AHSG: variants seen among roughly 807,000 people sequenced by gnomAD.
AHSG encodes the protein alpha-2-HS-glycoprotein.
AHSG carries 23 observed loss-of-function variants against 30.1 expected under a neutral mutation model. That is an observed-to-expected ratio of 0.76 (90% CI 0.55 to 1.08). The LOEUF (loss-of-function observed/expected upper bound fraction) is 1.08, where lower values mean the gene tolerates loss of function less well. Among genes scored for constraint, AHSG ranks in the 50% least tolerant of loss-of-function variants. The pLI, the probability that AHSG is intolerant of heterozygous loss-of-function variation, is 0.00. For synonymous variants in AHSG, 164 were observed against 186.3 expected (o/e 0.88, Z 0.98); for missense variants, 469 against 459.5 (o/e 1.02, Z -0.19).
intron 6 of AHSG, among the ~76,000 whole-genome samples, chr3:186,620,281 A>G (rs1716440060): frequency 6.6e-6 from 1 of 152,128 alleles, no homozygotes; most frequent in African/African-American, 2.4e-5. Flanking sequence ...TCAGATGACA[A>G]AGAGGGTGGC....
At chr3:186,616,606 T>C in intron 3 of AHSG, 79 bp downstream of exon 3, 3 of 1,216,268 alleles carry the variant, frequency 2.5e-6, no homozygotes, top group Middle Eastern at 1.9e-4. Context: ...TCAACTTAAG[T>C]AGTTCTAGCA....
chr3:186,618,039 A>T (rs1243706074), intron 4 of AHSG: 1 of 158,290 alleles, frequency 6.3e-6, no homozygotes, highest in Non-Finnish European at 1.4e-5. Context: ...CAACTACTTT[A>T]AAAAAGAAAA....
Position 186,613,206 on chromosome 3 carries a change from G to T in AHSG, c.65G>T (p.Gly22Val), listed in dbSNP as rs559373183. The change falls in exon 1 of 7, where the codon GGC (glycine) becomes GTC (valine). Residue 22 changes from glycine (G) to valine (V), a missense_variant. Coordinates refer to ENST00000411641, the MANE Select transcript of AHSG (RefSeq NM_001622.4). ...TGGGGCTGCCACTCAGCCCCACATG[G>T]CCCAGGGCTGATTTATAGACAACCG... ...QLWGCHSAPHGPGLIYRQPNC... is the reference protein window; with the variant it reads ...QLWGCHSAPHVPGLIYRQPNC... The T allele has an allele frequency of 3.7e-6, 6 of 1,614,030 alleles. No homozygotes were observed. In the Admixed American group the frequency reaches 6.7e-5, roughly 18 times the overall value.
Position 186,620,694 on chromosome 3 carries a change from C to T in AHSG, c.868C>T (p.Pro290Ser), listed in dbSNP as rs1221690609. 1.9e-6 allele frequency: 3 copies of T among 1,614,176 alleles called. No individual in the cohort carries two copies. The highest frequency in any genetic ancestry group is 2.7e-5 in the African/African-American group (2 of 75,044). Residue 290 changes from proline (P) to serine (S), a missense_variant, in exon 7 of 7, where the codon CCA (proline) becomes TCA (serine). Coordinates refer to ENST00000411641, the MANE Select transcript of AHSG (RefSeq NM_001622.4). ...TCCACTTGGCGCACCTGGACTCCCT[C>T]CAGCTGGCTCACCCCCAGACTCCCA... ...SPPLGAPGLP[P>S]AGSPPDSHVL...
At chr3:186,619,170 G>A (rs933904758) in intron 5 of AHSG, among the ~76,000 whole-genome samples, 27 of 152,170 alleles carry the variant, frequency 1.8e-4, no homozygotes, top group South Asian at 4.1e-4. Flanking sequence ...GGTGGTGAGC[G>A]CCTGTAGTCC....
chr3:186,615,828 C>A (rs771614510), intron 2 of AHSG, 33 bp downstream of exon 2: 1 of 1,577,834 alleles, frequency 6.3e-7, no homozygotes, highest in Admixed American at 1.7e-5. Flanking sequence ...CTGTAGGTGG[C>A]CCTTCGGCCA....
At chr3:186,618,515 A>T (rs1386712059) in intron 4 of AHSG, 21 bp from the exon 5 acceptor site, 2 of 1,607,410 alleles carry the variant, frequency 1.2e-6, no homozygotes, top group Non-Finnish European at 1.7e-6. Flanking sequence ...CCTCAAGAGC[A>T]TTTTCATGTA....
At position 186,620,491 on chromosome 3, in the gene AHSG, G is replaced by A. The variant is rs1378269481; in HGVS notation, c.760-95G>A. 7 of 1,019,452 alleles carry A rather than the reference G, an allele frequency of 6.9e-6. No homozygotes were observed. The African/African-American group carries it at 8.1e-5, about 12-fold the overall frequency. The allele number at this position is 1,019,452 out of a possible 1,614,324, so 63.2% of individuals were successfully genotyped here. On this transcript the variant is annotated intron_variant, in intron 6 of 6. Coordinates refer to ENST00000411641, the MANE Select transcript of AHSG (RefSeq NM_001622.4). ...CTCTTTGCAAATAAAAATGTATAATGTGAGGAAATTGGGTGCCAGTGCCAC... is the reference window on the plus strand; with the variant it reads ...CTCTTTGCAAATAAAAATGTATAATATGAGGAAATTGGGTGCCAGTGCCAC...
In AHSG at chr3:186,621,189, T is replaced by C; in HGVS notation, c.*259T>C. ...ACGGTAAGCCACCATGATTGTGTTC[T>C]CTGCCTCTGGTTGACCTTACAAAAA... On this transcript the variant is annotated 3_prime_UTR_variant, in exon 7 of 7. Transcript: ENST00000411641. 2.1e-6 allele frequency: 1 copy of C among 477,980 alleles called. No homozygotes were observed. Among genetic ancestry groups the C allele is most frequent in the East Asian group, 3.5e-5 (1 of 28,456 alleles). 29.6% of individuals were successfully genotyped at this position (477,980 alleles called of 1,614,324 possible).
intron 4 of AHSG, chr3:186,617,953 C>T (rs1716360430): frequency 6.0e-6 from 1 of 166,128 alleles, no homozygotes; most frequent in African/African-American, 2.4e-5. Context: ...TTCTATTAAT[C>T]AGAATATGTG....
At chr3:186,616,183 G>C (rs2108500830) in intron 2 of AHSG, among the ~76,000 whole-genome samples, 1 of 152,250 alleles carries the variant, frequency 6.6e-6, no homozygotes, top group Non-Finnish European at 1.5e-5. Context: ...GGCAACAACA[G>C]TGAATCTCTA....
chr3:186,614,402 C>T (rs1022311900), intron 1 of AHSG, among the ~76,000 whole-genome samples: 1 of 152,082 alleles, frequency 6.6e-6, no homozygotes, highest in Non-Finnish European at 1.5e-5. Flanking sequence ...ACAATATGTG[C>T]CCACAAGAGC....
In AHSG at chr3:186,619,845, C is replaced by T. The variant is rs752462963; in HGVS notation, c.676-12C>T. 10 of 1,601,082 alleles carry T rather than the reference C, an allele frequency of 6.2e-6. No homozygotes were observed. The East Asian group carries it at 2.2e-4, about 36-fold the overall frequency. Reference sequence around the variant, plus strand: ...AAATTAGTTAAAATAAATCCTCTTTCTCTGTGGGCAGCAATATGGCTTTTG... The same window carrying T: ...AAATTAGTTAAAATAAATCCTCTTTTTCTGTGGGCAGCAATATGGCTTTTG... On this transcript the variant is annotated splice_polypyrimidine_tract_variant and intron_variant, in intron 5 of 6. Transcript: ENST00000411641.
Position 186,613,225 on chromosome 3 carries a change from A to G in AHSG, c.84A>G (p.Arg28=). Residue 28 remains arginine (R), a synonymous_variant, in exon 1 of 7, where the codon AGA becomes AGG. Coordinates refer to ENST00000411641, the MANE Select transcript of AHSG (RefSeq NM_001622.4). ...SAPHGPGLIY[R]QPNCDDPETE... ...CACATGGCCCAGGGCTGATTTATAG[A>G]CAACCGAACTGCGATGATCCAGAAA... 2 of 1,614,154 alleles carry G rather than the reference A, an allele frequency of 1.2e-6. No individual in the cohort carries two copies. The highest frequency in any genetic ancestry group is 1.7e-6 in the Non-Finnish European group (2 of 1,180,026).
intron 1 of AHSG, among the ~76,000 whole-genome samples, chr3:186,614,826 A>G (rs74451717): frequency 0.015 from 2,274 of 152,332 alleles, 57 homozygotes; most frequent in African/African-American, 0.052. Context: ...GTACTAGTGA[A>G]TCAGGCAGAA....
chr3:186,613,825 C>T (rs938706445), intron 1 of AHSG, among the ~76,000 whole-genome samples: 1 of 152,158 alleles, frequency 6.6e-6, no homozygotes, highest in Non-Finnish European at 1.5e-5. Context: ...TTTCCCGGTC[C>T]TGCCTCCTGG....
At chr3:186,618,766 A>G in intron 5 of AHSG, 129 bp downstream of exon 5, 1 of 1,444,822 alleles carries the variant, frequency 6.9e-7, no homozygotes, top group Non-Finnish European at 9.3e-7. Context: ...CTCCCTGTGG[A>G]TCACGGCAAG....
At chr3:186,618,401 G>A (rs1716374870) in intron 4 of AHSG, 135 bp from the exon 5 acceptor site, 2 of 1,409,740 alleles carry the variant, frequency 1.4e-6, no homozygotes, top group Non-Finnish European at 9.5e-7. Context: ...AAGCCATTGA[G>A]GGACATGTCT....
chr3:186,613,230 C>A lies in AHSG; in HGVS notation c.89C>A (p.Pro30Gln). 1 of 1,614,136 alleles carries A rather than the reference C, an allele frequency of 6.2e-7. No individual in the cohort carries two copies. Reference sequence around the variant, plus strand: ...GGCCCAGGGCTGATTTATAGACAACCGAACTGCGATGATCCAGAAACTGAG... The same window carrying A: ...GGCCCAGGGCTGATTTATAGACAACAGAACTGCGATGATCCAGAAACTGAG... ...PHGPGLIYRQ[P>Q]NCDDPETEEA... Residue 30 changes from proline (P) to glutamine (Q), a missense_variant, in exon 1 of 7, where the codon CCG becomes CAG. Pro to Gln is a moderately conservative substitution (Grantham distance 76). Coordinates refer to ENST00000411641, the MANE Select transcript of AHSG (RefSeq NM_001622.4).
Sources: gnomAD v4.1 joint callset for allele counts (sites outside exome capture counted in the v4.1 genomes callset) on GRCh38, gnomAD v4.1.1 for gene constraint, MANE v1.5 for transcripts, NCBI Gene and HGNC (gene_info 2026-07-23, HGNC 2026-07-21) for gene names.